The following PES1 variants were observed in gnomAD, a reference collection of about 807,000 sequenced individuals.
PES1 encodes pescadillo ribosomal biogenesis factor 1, also known as pescadillo homolog.
Under a neutral mutation model 77.1 loss-of-function variants are expected in PES1, and 31 were observed. The ratio of observed to expected loss-of-function variants is 0.40; its 90% CI spans 0.30 to 0.54. The LOEUF (loss-of-function observed/expected upper bound fraction) is 0.54. Among genes scored for constraint, PES1 ranks in the 20% least tolerant of loss-of-function variants. PES1 has a pLI of 0.45. For synonymous variants in PES1, 282 were observed against 303.0 expected (o/e 0.93, Z 0.72); for missense variants, 658 against 771.7 (o/e 0.85, Z 1.75).
intron 2 of PES1, among the ~76,000 whole-genome samples, chr22:30,597,250 G>A (rs955071053): frequency 1.3e-5 from 2 of 151,986 alleles, no homozygotes; most frequent in Non-Finnish European, 2.9e-5. Context: ...AGGAGTGCGG[G>A]AGCATGAGAG....
At chr22:30,601,758 C>A (rs35057984) in intron 2 of PES1, 1 of 151,532 alleles carries the variant, frequency 6.6e-6, no homozygotes, top group African/African-American at 2.4e-5. Flanking sequence ...TTAGCAGTTA[C>A]AAATAAAGTT....
upstream of PES1, among the ~76,000 whole-genome samples, chr22:30,593,855 G>A (rs2087219293): frequency 6.6e-6 from 1 of 152,206 alleles, no homozygotes. Context: ...CTGCTAAGCT[G>A]TGCAGAATAG....
In PES1 at chr22:30,584,392, C is replaced by A; in HGVS notation, c.603G>T (p.Trp201Cys). 6.2e-7 allele frequency: 1 copy of A among 1,611,958 alleles called. No homozygotes were observed. The highest frequency in any genetic ancestry group is 2.2e-5 in the East Asian group (1 of 44,794). ...CATGGGAGAAGGCATAGGGAGTGATCCACACGATGGGCTGCCCCAGTACCT... is the reference window on the plus strand; with the variant it reads ...CATGGGAGAAGGCATAGGGAGTGATACACACGATGGGCTGCCCCAGTACCT... ...QAEVLGQPIV[W>C]ITPYAFSHDH... Residue 201 changes from tryptophan to cysteine, a missense_variant, in exon 6 of 15, where the codon TGG (tryptophan) becomes TGT (cysteine). By Grantham distance (215) the Trp-to-Cys change is radical. Coordinates refer to ENST00000354694, the MANE Select transcript of PES1 (RefSeq NM_014303.4).
intron 2 of PES1, among the ~76,000 whole-genome samples, chr22:30,588,715 G>A (rs2087130842): frequency 6.6e-6 from 1 of 152,022 alleles, no homozygotes; most frequent in Admixed American, 6.5e-5. Flanking sequence ...CCTGGGAGGT[G>A]GAGGTTGCAG....
Position 30,581,397 on chromosome 22 carries a change from C to A in PES1, c.759G>T (p.Gln253His). The A allele has an allele frequency of 6.2e-7, 1 of 1,613,750 alleles. No homozygotes were observed. Among genetic ancestry groups the A allele is most frequent in the African/African-American group, 1.3e-5 (1 of 75,082 alleles). Residue 253 changes from glutamine (Q) to histidine (H), a missense_variant, in exon 8 of 15, where the codon CAG becomes CAT. Transcript: ENST00000354694. Reference sequence around the variant, plus strand: ...CACCGGCCTTTGCCTCTGCTTGGGCCTGACCCTCGAGCTAGTAGGCAAAGG... The same window carrying A: ...CACCGGCCTTTGCCTCTGCTTGGGCATGACCCTCGAGCTAGTAGGCAAAGG... ...NLHYPPKLEG[Q>H]AQAEAKAGEG...
intron 4 of PES1, among the ~76,000 whole-genome samples, chr22:30,584,965 G>A (rs1256147337): frequency 6.6e-6 from 1 of 152,170 alleles, no homozygotes; most frequent in Non-Finnish European, 1.5e-5. Context: ...GACACCGAAT[G>A]CTCACCAAAG....
chr22:30,600,164 C>T (rs897098852), intron 2 of PES1, among the ~76,000 whole-genome samples: 5 of 151,838 alleles, frequency 3.3e-5, no homozygotes, highest in African/African-American at 1.2e-4. Context: ...AAAACCCCAT[C>T]TCTACTAAAA....
At chr22:30,593,780 TACC>T (rs151037563), upstream of PES1, among the ~76,000 whole-genome samples, 25,479 of 152,084 alleles carry the variant, frequency 0.17, 2,221 homozygotes, top group African/African-American at 0.19. Context: ...GTCATATAGG[TACC>T]ACATTTCACA....
At chr22:30,587,770 T>C (rs1481135094) in intron 3 of PES1, among the ~76,000 whole-genome samples, 1 of 152,198 alleles carries the variant, frequency 6.6e-6, no homozygotes, top group Non-Finnish European at 1.5e-5. Context: ...CACCAGACTA[T>C]ATCAGCATGA....
chr22:30,582,866 A>C (rs999424217), intron 6 of PES1, among the ~76,000 whole-genome samples: 1 of 152,154 alleles, frequency 6.6e-6, no homozygotes, highest in East Asian at 1.9e-4. Flanking sequence ...CGCCCCTACA[A>C]CCAGCCTGAG....
At chr22:30,590,882 T>A (rs1200752002) in intron 1 of PES1, among the ~76,000 whole-genome samples, 4 of 152,186 alleles carry the variant, frequency 2.6e-5, no homozygotes, top group Non-Finnish European at 5.9e-5. Flanking sequence ...CATCTGCAAC[T>A]CAAGGGCAGG....
At chr22:30,597,876 A>ATTTTTTTTTTTTTTTT (rs1210779167) in intron 2 of PES1, among the ~76,000 whole-genome samples, 18 of 125,156 alleles carry the variant, frequency 1.4e-4, no homozygotes, top group African/African-American at 4.6e-4. Flanking sequence ...ACGCAGTTGA[A>ATTTTTTTTTTTTTTTT]GTTTTGTTTT....
upstream of PES1, among the ~76,000 whole-genome samples, chr22:30,595,603 T>TTGG (rs1265286484): frequency 5.3e-5 from 8 of 151,474 alleles, no homozygotes; most frequent in African/African-American, 1.9e-4. Context: ...GTTCCCATCA[T>TTGG]TGGTGGACCC....
At chr22:30,585,193 C>T (rs560127302) in intron 4 of PES1, 18 of 457,394 alleles carry the variant, frequency 3.9e-5, no homozygotes, top group African/African-American at 2.8e-4. Context: ...GGCCACCGGT[C>T]GCCAGCGTAG....
At position 30,578,838 on chromosome 22, in the gene PES1, T is replaced by C; in HGVS notation, c.1682A>G (p.Glu561Gly). The change falls in exon 14 of 15, where the codon GAG becomes GGG. Residue 561 changes from glutamate (E) to glycine (G), a missense_variant and splice_region_variant. Coordinates refer to ENST00000354694, the MANE Select transcript of PES1 (RefSeq NM_014303.4). ...IMFGKRRKIR[E>G]ANKLAEKRKA... ...CTCAAGTGGGTGGCAAGAACTCACC[T>C]CTCGGATTTTTCGCCTCTTGCCAAA... is the stretch of plus-strand genomic sequence containing the variant. 3 of 1,612,246 alleles carry C rather than the reference T, an allele frequency of 1.9e-6. No individual in the cohort carries two copies. Among genetic ancestry groups the C allele is most frequent in the Non-Finnish European group, 2.5e-6 (3 of 1,180,000 alleles).
At chr22:30,598,879 A>G (rs2146493151) in intron 2 of PES1, among the ~76,000 whole-genome samples, 1 of 78,186 alleles carries the variant, frequency 1.3e-5, no homozygotes, top group African/African-American at 4.5e-5. Context: ...ATGTGACTTA[A>G]GTAAAATTTT....
chr22:30,602,022 CG>C (rs1444789948), intron 2 of PES1: 1 of 151,922 alleles, frequency 6.6e-6, no homozygotes, highest in African/African-American at 2.4e-5. Context: ...CCACCCGCCT[CG>C]GCCTCCCAAA....
chr22:30,593,229 G>A (rs2087208417), upstream of PES1, among the ~76,000 whole-genome samples: 1 of 152,166 alleles, frequency 6.6e-6, no homozygotes, highest in African/African-American at 2.4e-5. Flanking sequence ...GCTCACACCT[G>A]TAATCCCAGC....
Position 30,576,692 on chromosome 22 carries a change from C to T in PES1, c.*354G>A, listed in dbSNP as rs1037346702. 3.0e-6 allele frequency: 1 copy of T among 329,350 alleles called. No individual in the cohort carries two copies. Among genetic ancestry groups the T allele is most frequent in the East Asian group, 6.5e-5 (1 of 15,382 alleles). The allele number at this position is 329,350 out of a possible 1,614,324, so 20.4% of individuals were successfully genotyped here. On this transcript the variant is annotated 3_prime_UTR_variant, in exon 15 of 15. Transcript: ENST00000354694. ...CCCCTACCCTCACCCCATCACAGCA[C>T]CCTGAGAATCACGGGTCCAACTGTG...
Sources: gnomAD v4.1 joint callset for allele counts (sites outside exome capture counted in the v4.1 genomes callset) on GRCh38, gnomAD v4.1.1 for gene constraint, MANE v1.5 for transcripts, NCBI Gene and HGNC (gene_info 2026-07-23, HGNC 2026-07-21) for gene names.